Variants in NAF1 observed in about 807,000 individuals in gnomAD.
NAF1 encodes H/ACA ribonucleoprotein complex non-core subunit NAF1.
Under a neutral mutation model 40.6 loss-of-function variants are expected in NAF1, and 11 were observed. The ratio of observed to expected loss-of-function variants is 0.27; its 90% CI spans 0.17 to 0.45. NAF1 has a LOEUF of 0.45. Ranked by LOEUF, NAF1 falls within the 20% of genes least tolerant of loss-of-function variation. The probability of loss-of-function intolerance (pLI) is 1.00; values close to 1 mark genes in which losing one functional copy is unlikely to be tolerated. For missense variants in NAF1, 607 were observed against 611.1 expected (o/e 0.99, Z 0.07); for synonymous variants, 260 against 228.5 (o/e 1.14, Z -1.24).
At chr4:163,115,661 G>C (rs1335492174) in intron 2 of NAF1, among the ~76,000 whole-genome samples, 1 of 151,952 alleles carries the variant, frequency 6.6e-6, no homozygotes, top group African/African-American at 2.4e-5. Flanking sequence ...AATTTTTATT[G>C]GTAGTTTTTT....
intron 2 of NAF1, among the ~76,000 whole-genome samples, chr4:163,158,706 A>G (rs1732090641): frequency 6.6e-6 from 1 of 152,130 alleles, no homozygotes; most frequent in South Asian, 2.1e-4. Flanking sequence ...GTCCATCTCA[A>G]TAAGAAACCT....
chr4:163,150,787 A>T (rs1449675633), intron 2 of NAF1, among the ~76,000 whole-genome samples: 1 of 152,138 alleles, frequency 6.6e-6, no homozygotes, highest in Non-Finnish European at 1.5e-5. Flanking sequence ...AATTATTTTA[A>T]GTGGTCCTGA....
At chr4:163,151,876 A>G (rs1731722522) in intron 2 of NAF1, among the ~76,000 whole-genome samples, 1 of 152,164 alleles carries the variant, frequency 6.6e-6, no homozygotes, top group Non-Finnish European at 1.5e-5. Context: ...ATTACTTGCT[A>G]TTATAAATTC....
intron 2 of NAF1, among the ~76,000 whole-genome samples, chr4:163,120,862 G>C (rs1401298145): frequency 6.6e-6 from 1 of 152,028 alleles, no homozygotes; most frequent in Non-Finnish European, 1.5e-5. Flanking sequence ...TTTTATTGCT[G>C]CTAGTAGCTC....
chr4:163,134,290 A>C (rs1730976110), intron 6 of NAF1, among the ~76,000 whole-genome samples: 1 of 152,296 alleles, frequency 6.6e-6, no homozygotes, highest in South Asian at 2.1e-4. Flanking sequence ...TAAAAAGAAG[A>C]AATAAAATGT....
downstream of NAF1, among the ~76,000 whole-genome samples, chr4:163,125,514 C>T (rs886236636): frequency 2.0e-5 from 3 of 152,154 alleles, no homozygotes; most frequent in African/African-American, 4.8e-5. Flanking sequence ...TAATCCAGAG[C>T]GGGCCCTAAC....
chr4:163,117,850 G>C (rs914529257), intron 2 of NAF1, among the ~76,000 whole-genome samples: 1 of 152,100 alleles, frequency 6.6e-6, no homozygotes, highest in Non-Finnish European at 1.5e-5. Context: ...CTTGCAGATT[G>C]ATTAGCCTTA....
Position 163,155,051 on chromosome 4 carries a change from A to G in NAF1, c.541-6617T>C, listed in dbSNP as rs771540384. On this transcript the variant is annotated intron_variant, in intron 2 of 7. Transcript: ENST00000274054. Reference sequence around the variant, plus strand: ...GGATAGATCTCTGAAAGGTACAAAAAGCGATTTCCTTTGGCAGCCATGTCA... The same window carrying G: ...GGATAGATCTCTGAAAGGTACAAAAGGCGATTTCCTTTGGCAGCCATGTCA... 2.6e-4 allele frequency among the ~76,000 whole-genome samples: 40 copies of G among 152,196 alleles called. 1 individual carries two copies. Among genetic ancestry groups the G allele is most frequent in the Non-Finnish European group, 5.3e-4 (36 of 68,026 alleles).
downstream of NAF1, among the ~76,000 whole-genome samples, chr4:163,107,321 G>C (rs996226543): frequency 4.6e-5 from 7 of 152,174 alleles, no homozygotes; most frequent in African/African-American, 1.4e-4. Flanking sequence ...CATTTTGCTA[G>C]TAAAGGGGAT....
At chr4:163,128,364 G>A (rs1455210480), downstream of NAF1, among the ~76,000 whole-genome samples, 5 of 152,020 alleles carry the variant, frequency 3.3e-5, no homozygotes, top group Non-Finnish European at 7.4e-5. Flanking sequence ...TATAATCAGA[G>A]CTTCTACCAA....
At chr4:163,144,905 C>T (rs959058656) in intron 4 of NAF1, among the ~76,000 whole-genome samples, 3 of 151,992 alleles carry the variant, frequency 2.0e-5, no homozygotes, top group Non-Finnish European at 4.4e-5. Context: ...TTAAAATTGT[C>T]TAAGTTAGGT....
chr4:163,104,820 G>A, the NAF1 span, among the ~76,000 whole-genome samples: 1 of 152,104 alleles, frequency 6.6e-6, no homozygotes, highest in African/African-American at 2.4e-5. Context: ...TGAAATTCGT[G>A]GTGATTTTTA....
At chr4:163,108,324 G>A (rs946192402), downstream of NAF1, among the ~76,000 whole-genome samples, 6 of 152,154 alleles carry the variant, frequency 3.9e-5, no homozygotes, top group Admixed American at 3.9e-4. Context: ...CCTAGATCAT[G>A]GCATATGGTA....
intron 1 of NAF1, 74 bp downstream of exon 1, chr4:163,166,289 C>T: frequency 4.7e-6 from 7 of 1,500,300 alleles, no homozygotes; most frequent in Non-Finnish European, 2.7e-6. Flanking sequence ...AACCTCTAGG[C>T]TCCTAGGCCC....
chr4:163,135,842 G>T (rs547886058), intron 6 of NAF1: 1 of 152,138 alleles, frequency 6.6e-6, no homozygotes, highest in Non-Finnish European at 1.5e-5. Context: ...AATATGATTT[G>T]AGATGTTTAT....
intron 1 of NAF1, 91 bp downstream of exon 1, chr4:163,166,272 C>T: frequency 6.8e-7 from 1 of 1,465,328 alleles, no homozygotes; most frequent in Non-Finnish European, 9.0e-7. Flanking sequence ...CCAGGGCCCA[C>T]ACAAGCAACC....
Position 163,128,743 on chromosome 4 carries a change from C to G in NAF1, c.*154G>C. On this transcript the variant is annotated 3_prime_UTR_variant, in exon 8 of 8. Coordinates refer to ENST00000274054, the MANE Select transcript of NAF1 (RefSeq NM_138386.3). Reference sequence around the variant, plus strand: ...ACATTTTCATATGAATACAATTTCACAAAGGTTACAAATATATATCAACTT... The same window carrying G: ...ACATTTTCATATGAATACAATTTCAGAAAGGTTACAAATATATATCAACTT... 1 of 1,114,976 alleles carries G rather than the reference C, an allele frequency of 9.0e-7. No individual in the cohort carries two copies. Among genetic ancestry groups the G allele is most frequent in the Non-Finnish European group, 1.2e-6 (1 of 868,104 alleles). The allele number at this position is 1,114,976 out of a possible 1,614,324, so 69.1% of individuals were successfully genotyped here. A position where few individuals can be genotyped will look rare whatever the true frequency, so the allele number is the denominator to read the frequency against.
At chr4:163,117,680 T>TACAAACAC (rs1730386554) in intron 2 of NAF1, among the ~76,000 whole-genome samples, 1 of 134,852 alleles carries the variant, frequency 7.4e-6, no homozygotes, top group African/African-American at 2.9e-5. Context: ...CTGGAAGCAA[T>TACAAACAC]ACACACACAC....
At chr4:163,148,274 A>G (rs910791263) in intron 3 of NAF1, 67 bp downstream of exon 3, 2 of 971,970 alleles carry the variant, frequency 2.1e-6, no homozygotes, top group Admixed American at 2.7e-5. Context: ...ACTAGTCATA[A>G]AAGTCATTGA....
Sources: allele counts gnomAD v4.1 joint callset (sites outside exome capture counted in the v4.1 genomes callset), GRCh38; gene constraint gnomAD v4.1.1; transcripts MANE v1.5; gene names NCBI Gene and HGNC (gene_info 2026-07-23, HGNC 2026-07-21).